PKHD1: variants seen among roughly 807,000 people sequenced by gnomAD.
The protein encoded by PKHD1 is PKHD1 ciliary IPT domain containing fibrocystin/polyductin, also known as fibrocystin.
Under a neutral mutation model 412.0 loss-of-function variants are expected in PKHD1, and 291 were observed. That is an observed-to-expected ratio of 0.71 (90% CI 0.64 to 0.78). PKHD1 has a LOEUF of 0.78. PKHD1 is among the 30% of genes least tolerant of loss of function. PKHD1 has a pLI of 0.00. For synonymous variants in PKHD1, 1,777 were observed against 1,821.5 expected (o/e 0.98, Z 0.62); for missense variants, 4,825 against 4,950.7 (o/e 0.97, Z 0.76).
chr6:51,931,695 T>G (rs1313564809), intron 37 of PKHD1, among the ~76,000 whole-genome samples: 1 of 152,214 alleles, frequency 6.6e-6, no homozygotes, highest in African/African-American at 2.4e-5. Context: ...TGGCTTGATC[T>G]TTGCCTGTGT....
At position 51,939,578 on chromosome 6, in the gene PKHD1, G is replaced by A. The variant is rs573928415; in HGVS notation, c.5909-5256C>T. Among the ~76,000 whole-genome samples the A allele has an allele frequency of 5.9e-5, 9 of 151,604 alleles. No individual in the cohort carries two copies. In the South Asian group the frequency reaches 1.2e-3, roughly 21 times the overall value. On this transcript the variant is annotated intron_variant, in intron 36 of 66. Coordinates refer to ENST00000371117, the MANE Select transcript of PKHD1 (RefSeq NM_138694.4). Reference sequence around the variant, plus strand: ...CAAATAGCCAGAAAACAGCATTTTCGATTTTTCCATCCTACAAGATCTAGA... The same window carrying A: ...CAAATAGCCAGAAAACAGCATTTTCAATTTTTCCATCCTACAAGATCTAGA...
At chr6:51,633,660 G>A (rs1581759504) in intron 64 of PKHD1, among the ~76,000 whole-genome samples, 2 of 152,268 alleles carry the variant, frequency 1.3e-5, no homozygotes, top group Admixed American at 1.3e-4. Context: ...CACATTTGTA[G>A]GATTCCATTT....
chr6:51,770,625 A>G (rs1485091284), intron 55 of PKHD1, among the ~76,000 whole-genome samples: 1 of 143,016 alleles, frequency 7.0e-6, no homozygotes, highest in Non-Finnish European at 1.5e-5. Context: ...TTCTTTTACC[A>G]TTTCATTTTC....
At chr6:51,967,376 T>C (rs1030532987) in intron 35 of PKHD1, among the ~76,000 whole-genome samples, 3 of 152,174 alleles carry the variant, frequency 2.0e-5, no homozygotes, top group African/African-American at 7.2e-5. Context: ...CATACTATAC[T>C]ATCAGTATAG....
At chr6:52,016,033 T>C (rs1326955549) in intron 34 of PKHD1, among the ~76,000 whole-genome samples, 1 of 152,132 alleles carries the variant, frequency 6.6e-6, no homozygotes, top group Non-Finnish European at 1.5e-5. Flanking sequence ...AGTCCCTGAA[T>C]TCAATGGAGC....
Position 51,847,052 on chromosome 6 carries a change from T to C in PKHD1, c.8107+723A>G, listed in dbSNP as rs574296377. Reference sequence around the variant, plus strand: ...ATGGCTCACTGCAGGCTCAACTTCCTGGGCTCAAGCTATCCTCCCACCTCA... The same window carrying C: ...ATGGCTCACTGCAGGCTCAACTTCCCGGGCTCAAGCTATCCTCCCACCTCA... On this transcript the variant is annotated intron_variant, in intron 50 of 66. Transcript: ENST00000371117. Among the ~76,000 whole-genome samples, 448 of 152,108 alleles carry C rather than the reference T, an allele frequency of 2.9e-3. 3 individuals are homozygous for C. The highest frequency in any genetic ancestry group is 0.01 in the African/African-American group (434 of 41,516).
intron 60 of PKHD1, among the ~76,000 whole-genome samples, chr6:51,697,231 T>G (rs1428918589): frequency 6.6e-6 from 1 of 152,104 alleles, no homozygotes; most frequent in East Asian, 1.9e-4. Context: ...GTAATTGTCC[T>G]CTTAATGAGT....
intron 50 of PKHD1, among the ~76,000 whole-genome samples, chr6:51,842,118 G>A (rs1770313494): frequency 6.6e-6 from 1 of 152,180 alleles, no homozygotes; most frequent in Admixed American, 6.5e-5. Context: ...CACAAGTGTT[G>A]GCCAGCCTGG....
At chr6:51,695,110 G>A (rs1242855548) in intron 60 of PKHD1, among the ~76,000 whole-genome samples, 1 of 152,054 alleles carries the variant, frequency 6.6e-6, no homozygotes, top group East Asian at 1.9e-4. Context: ...AATAAAAATG[G>A]ACTTAAAAGT....
rs1317153742 is a variant in PKHD1 at position 51,883,146 on chromosome 6, C to G, written c.7297G>C (p.Asp2433His). ...RDFGIDVLES[D>H]ANTSVTDSLL... is the part of the protein sequence containing the mutation. ...CTGTCAGTAACTGAAGTATTTGCAT[C>G]ACTTTCCAAGACGTCAATTCCAAAA... is the stretch of plus-strand genomic sequence containing the variant. The change falls in exon 46 of 67, where the codon GAT becomes CAT. Residue 2433 changes from aspartate to histidine, a missense_variant. Transcript: ENST00000371117. 6.2e-7 allele frequency: 1 copy of G among 1,612,506 alleles called. No individual in the cohort carries two copies. Among genetic ancestry groups the G allele is most frequent in the Non-Finnish European group, 8.5e-7 (1 of 1,178,606 alleles).
At chr6:51,764,112 C>T (rs1463539107) in intron 55 of PKHD1, among the ~76,000 whole-genome samples, 2 of 141,602 alleles carry the variant, frequency 1.4e-5, no homozygotes, top group Admixed American at 7.2e-5. Flanking sequence ...CCCCCCACCC[C>T]ACCACAGTCC....
chr6:51,984,051 G>A (rs905707692), intron 35 of PKHD1, among the ~76,000 whole-genome samples: 12 of 152,280 alleles, frequency 7.9e-5, no homozygotes, highest in South Asian at 4.1e-4. Flanking sequence ...TGGATTATAA[G>A]GACAGATTTG....
intron 37 of PKHD1, among the ~76,000 whole-genome samples, chr6:51,928,311 A>T (rs1786009866): frequency 6.6e-6 from 1 of 152,212 alleles, no homozygotes; most frequent in African/African-American, 2.4e-5. Flanking sequence ...TTTTTAAAGG[A>T]CAAGAAAAAG....
At chr6:51,909,535 C>A (rs774203847) in intron 39 of PKHD1, 61 bp from the exon 40 acceptor site, 14 of 1,319,106 alleles carry the variant, frequency 1.1e-5, no homozygotes, top group Non-Finnish European at 1.2e-5. Flanking sequence ...CCAGACAAAT[C>A]TCCCAGTTTG....
intron 28 of PKHD1, among the ~76,000 whole-genome samples, chr6:52,033,926 T>C (rs1282322226): frequency 2.6e-5 from 4 of 151,920 alleles, no homozygotes; most frequent in Non-Finnish European, 4.4e-5. Context: ...ATCAGGAATT[T>C]GAGACCAACC....
At chr6:51,909,021 G>T (rs1464665963) in intron 40 of PKHD1, among the ~76,000 whole-genome samples, 2 of 152,066 alleles carry the variant, frequency 1.3e-5, no homozygotes, top group Non-Finnish European at 2.9e-5. Context: ...GAATCAAAAG[G>T]TTTGTATTTA....
chr6:51,665,962 C>A (rs1045005009), intron 60 of PKHD1, among the ~76,000 whole-genome samples: 2 of 152,044 alleles, frequency 1.3e-5, no homozygotes, highest in Non-Finnish European at 2.9e-5. Flanking sequence ...ATTGAAGGCA[C>A]TCTATCTGCT....
chr6:51,682,266 A>C (rs1435306974), intron 60 of PKHD1: 1 of 453,754 alleles, frequency 2.2e-6, no homozygotes, highest in South Asian at 1.6e-5. Context: ...CAGAAACATA[A>C]CACAATTTTC....
Position 51,772,762 on chromosome 6 carries a change from C to T in PKHD1, c.8582G>A (p.Ser2861Asn). The change falls in exon 55 of 67, where the codon AGT becomes AAT. Residue 2861 changes from serine to asparagine, a missense_variant. Physicochemically the swap from Ser to Asn is conservative, Grantham distance 46 (BLOSUM62 1). Transcript: ENST00000371117. ...TGTCCAGGAGTTCTTAGGATAAGCA[C>T]TGTAAAGATGAACTTTCCCATAAAC... ...IGVYGKVHLY[S>N]AYPKNSWTHL... 4.4e-6 allele frequency: 7 copies of T among 1,596,788 alleles called. No homozygotes were observed. Among genetic ancestry groups the T allele is most frequent in the Non-Finnish European group, 6.0e-6 (7 of 1,164,788 alleles).
Sources: gnomAD v4.1 joint callset for allele counts (sites outside exome capture counted in the v4.1 genomes callset) on GRCh38, gnomAD v4.1.1 for gene constraint, MANE v1.5 for transcripts, NCBI Gene and HGNC (gene_info 2026-07-23, HGNC 2026-07-21) for gene names.